Variants in SCN11A observed in about 807,000 individuals in gnomAD.
The protein encoded by SCN11A is sodium channel protein type 11 subunit alpha.
A neutral mutation model predicts 162.2 loss-of-function variants in SCN11A; 122 were observed. The observed-to-expected ratio is 0.75, with a 90% CI of 0.65 to 0.87. The LOEUF is 0.87. SCN11A is among the 40% of genes least tolerant of loss of function. The pLI is 0.00. For missense variants in SCN11A, 2,015 were observed against 2,181.6 expected, an observed-to-expected ratio of 0.92 and a Z score of 1.52; for synonymous variants, 758 against 751.5, an observed-to-expected ratio of 1.01 and a Z score of -0.14.
chr3:38,900,004 G>GA lies in SCN11A; in HGVS notation c.1911dup (p.Arg638SerfsTer8), dbSNP rs781199214. The stretch of plus-strand genomic sequence containing the variant: ...CTGTCAAAAATGTTCCAGCCTCGGC[G>GA]AAAGTAGTGGTAGGGATCGAGCGCA... On this transcript the variant is annotated frameshift_variant, in exon 17 of 30. Transcript: ENST00000302328. LOFTEE classifies it high-confidence loss of function. 2 of 1,614,096 alleles carry GA rather than the reference G, an allele frequency of 1.2e-6. No individual in the cohort carries two copies. Among genetic ancestry groups the GA allele is most frequent in the Non-Finnish European group, 1.7e-6 (2 of 1,179,982 alleles).
intron 18 of SCN11A, among the ~76,000 whole-genome samples, chr3:38,895,831 C>T (rs943704173): frequency 2.6e-4 from 40 of 152,140 alleles, no homozygotes; most frequent in African/African-American, 9.7e-4. Context: ...TCCTCCCACT[C>T]CCACTGGTGA....
At chr3:38,904,128 G>T in intron 15 of SCN11A, 25 bp from the exon 16 acceptor site, 1 of 1,489,392 alleles carries the variant, frequency 6.7e-7, no homozygotes, top group Non-Finnish European at 9.0e-7. Context: ...GCGAGAGGTT[G>T]AGGAGTTAGC....
chr3:38,945,272 G>A, intron 7 of SCN11A, 139 bp downstream of exon 7: 1 of 575,156 alleles, frequency 1.7e-6, no homozygotes, highest in Non-Finnish European at 3.1e-6. Context: ...AAAAATAAAG[G>A]TCAAAAATAA....
chr3:38,850,487 T>C lies in SCN11A; in HGVS notation c.4321A>G (p.Ile1441Val). 1.2e-6 allele frequency: 2 copies of C among 1,611,536 alleles called. No homozygotes were observed. Among genetic ancestry groups the C allele is most frequent in the Non-Finnish European group, 1.7e-6 (2 of 1,178,560 alleles). ...GACTGCTGATTTTACTTACTAACAATGGAAAGAAGCACGACCACACAGTCA... is the reference window on the plus strand; with the variant it reads ...GACTGCTGATTTTACTTACTAACAACGGAAAGAAGCACGACCACACAGTCA... The part of the protein sequence containing the change: ...LFDCVVVLLS[I>V]VSTMISTLEN... The change falls in exon 29 of 30, where the codon ATT becomes GTT. Residue 1441 changes from isoleucine to valine, a missense_variant. Ile to Val is a conservative substitution (Grantham distance 29, BLOSUM62 3). Transcript: ENST00000302328.
chr3:38,995,133 CTT>C (rs77655744), intron 2 of SCN11A, among the ~76,000 whole-genome samples: 5,301 of 143,854 alleles, frequency 0.037, 193 homozygotes, highest in East Asian at 0.18. Flanking sequence ...AATTTAAGAA[CTT>C]TTTTTTTTTT....
chr3:38,875,621 TA>T (rs2065194846), intron 23 of SCN11A, among the ~76,000 whole-genome samples: 1 of 151,674 alleles, frequency 6.6e-6, no homozygotes, highest in Non-Finnish European at 1.5e-5. Context: ...GAAAATAAAA[TA>T]AAATAAAATA....
chr3:38,995,726 C>T (rs182159787), intron 2 of SCN11A, among the ~76,000 whole-genome samples: 1 of 152,234 alleles, frequency 6.6e-6, no homozygotes, highest in African/African-American at 2.4e-5. Context: ...TCCTGGTTCT[C>T]CAGCCTGCAG....
chr3:38,934,717 G>C lies in SCN11A; in HGVS notation c.489-7786C>G, dbSNP rs887076181. On this transcript the variant is annotated intron_variant, in intron 7 of 29. Transcript: ENST00000302328. ...TATGCACCCAATACAGGAGCACCCA[G>C]ATTCATAAAGCAAGTCCTGAGTGAC... is the stretch of plus-strand genomic sequence containing the variant. Among the ~76,000 whole-genome samples the C allele has an allele frequency of 3.8e-4, 58 of 151,922 alleles. 1 individual carries two copies. Among genetic ancestry groups the C allele is most frequent in the African/African-American group, 1.4e-3 (56 of 41,390 alleles).
chr3:38,850,405 C>T, intron 29 of SCN11A, 76 bp downstream of exon 29: 1 of 1,387,076 alleles, frequency 7.2e-7, no homozygotes, highest in Non-Finnish European at 9.9e-7. Context: ...ATAGTTTGAA[C>T]AAACTTCAAA....
chr3:38,974,769 G>A, intron 2 of SCN11A, among the ~76,000 whole-genome samples: 1 of 146,706 alleles, frequency 6.8e-6, no homozygotes. Flanking sequence ...ATTTCTAAAA[G>A]GAAACAATAG....
At chr3:38,897,263 C>T (rs200968073) in intron 17 of SCN11A, 38 bp from the exon 18 acceptor site, 402 of 1,555,190 alleles carry the variant, frequency 2.6e-4, no homozygotes, top group Non-Finnish European at 3.1e-4. Flanking sequence ...GGAAGAAAAG[C>T]CAGTTAAGGA....
At position 38,945,412 on chromosome 3, in the gene SCN11A, C is replaced by T. The variant is rs1394838781; in HGVS notation, c.487G>A (p.Glu163Lys). Residue 163 changes from glutamate to lysine, a missense_variant and splice_region_variant, in exon 7 of 30, where the codon GAG becomes AAG. By Grantham distance (56) the Glu-to-Lys change is moderately conservative. Coordinates refer to ENST00000302328, the MANE Select transcript of SCN11A (RefSeq NM_001349253.2). ...NSNSNNTDIA[E>K]CVFTGIYIFE... The stretch of plus-strand genomic sequence containing the variant: ...GGTGAGTGAAGGAAAAATACTTACT[C>T]TGCAATGTCAGTATTGTTACTGTTG... 1 of 1,602,090 alleles carries T rather than the reference C, an allele frequency of 6.2e-7. No homozygotes were observed. Among genetic ancestry groups the T allele is most frequent in the South Asian group, 1.1e-5 (1 of 90,314 alleles).
intron 2 of SCN11A, among the ~76,000 whole-genome samples, chr3:38,987,558 C>A (rs2030301267): frequency 6.6e-6 from 1 of 152,188 alleles, no homozygotes; most frequent in Non-Finnish European, 1.5e-5. Flanking sequence ...CAAGACTTTT[C>A]TCCTAAGAGC....
intron 5 of SCN11A, 100 bp downstream of exon 5, chr3:38,949,996 T>TA (rs1173641929): frequency 1.3e-6 from 1 of 748,608 alleles, no homozygotes; most frequent in Non-Finnish European, 2.1e-6. Flanking sequence ...CTGCCTGCTA[T>TA]AAACCCTAAG....
At chr3:38,955,620 T>C (rs1350765422) in intron 3 of SCN11A, among the ~76,000 whole-genome samples, 2 of 152,222 alleles carry the variant, frequency 1.3e-5, no homozygotes, top group Non-Finnish European at 2.9e-5. Context: ...TACTTAATTC[T>C]GAAAATTTTC....
chr3:38,974,402 G>C (rs2066834890), intron 2 of SCN11A, among the ~76,000 whole-genome samples: 1 of 152,044 alleles, frequency 6.6e-6, no homozygotes, highest in Non-Finnish European at 1.5e-5. Flanking sequence ...GAATTAAGAA[G>C]GCCTAATTCA....
rs1332448042 is a variant in SCN11A at position 38,894,619 on chromosome 3, C to T, written c.2749G>A (p.Ala917Thr). Residue 917 changes from alanine (A) to threonine (T), a missense_variant, in exon 19 of 30, where the codon GCA becomes ACA. Transcript: ENST00000302328. ...TCATCTTCCTCCTCCGCAAGTGGTGCCAACCAAGTCCAATCATGCCTGACG... is the reference window on the plus strand; with the variant it reads ...TCATCTTCCTCCTCCGCAAGTGGTGTCAACCAAGTCCAATCATGCCTGACG... ...LGVRHDWTWL[A>T]PLAEEEDDVE... 3 of 1,614,034 alleles carry T rather than the reference C, an allele frequency of 1.9e-6. No individual in the cohort carries two copies. The East Asian group carries it at 6.7e-5, about 36-fold the overall frequency.
intron 2 of SCN11A, among the ~76,000 whole-genome samples, chr3:39,028,340 C>T (rs1390274213): frequency 1.3e-5 from 2 of 152,208 alleles, no homozygotes; most frequent in Non-Finnish European, 2.9e-5. Flanking sequence ...AGTTTAACCC[C>T]TCTTCCCATG....
intron 28 of SCN11A, among the ~76,000 whole-genome samples, chr3:38,856,902 G>A (rs1027595018): frequency 6.6e-6 from 1 of 152,068 alleles, no homozygotes; most frequent in Non-Finnish European, 1.5e-5. Context: ...ATCTCATACA[G>A]AGTCTTTACT....
Sources: gnomAD v4.1 joint callset for allele counts (sites outside exome capture counted in the v4.1 genomes callset) on GRCh38, gnomAD v4.1.1 for gene constraint, MANE v1.5 for transcripts, NCBI Gene and HGNC (gene_info 2026-07-23, HGNC 2026-07-21) for gene names.